The following SLC37A3 variants were observed in gnomAD, a reference collection of about 807,000 sequenced individuals.
The protein encoded by SLC37A3 is solute carrier family 37 member 3, also known as sugar phosphate exchanger 3.
A neutral mutation model predicts 67.1 loss-of-function variants in SLC37A3; 51 were observed. That is an observed-to-expected ratio of 0.76 (90% CI 0.61 to 0.96). The LOEUF is 0.96. Among genes scored for constraint, SLC37A3 ranks in the 40% least tolerant of loss-of-function variants. The pLI is 0.00. For missense variants in SLC37A3, 508 were observed against 603.0 expected (o/e 0.84, Z 1.65); for synonymous variants, 214 against 231.4 (o/e 0.92, Z 0.68).
chr7:140,374,576 C>G (rs552337119), intron 3 of SLC37A3, among the ~76,000 whole-genome samples: 2 of 151,982 alleles, frequency 1.3e-5, no homozygotes, highest in East Asian at 1.9e-4. Flanking sequence ...TAATCCAACA[C>G]TCTGGGAGGC....
chr7:140,344,054 C>A, intron 12 of SLC37A3: 1 of 180,124 alleles, frequency 5.6e-6, no homozygotes, highest in South Asian at 1.1e-4. Context: ...TGAATCTGGT[C>A]CCACTGCTGG....
At chr7:140,375,177 A>C (rs568839091) in intron 3 of SLC37A3, among the ~76,000 whole-genome samples, 18 of 150,964 alleles carry the variant, frequency 1.2e-4, no homozygotes, top group African/African-American at 3.9e-4. Flanking sequence ...AAAACAACAA[A>C]AAAAAAACAG....
chr7:140,361,510 CCCCTCCCCCTCCCCCTCCCCCTCCCT>C (rs1585301953), intron 5 of SLC37A3, among the ~76,000 whole-genome samples: 5 of 73,384 alleles, frequency 6.8e-5, no homozygotes, highest in East Asian at 4.4e-4. Flanking sequence ...CCTCCCCCTC[CCCCTCCCCCTCCCCCTCCCCCTCCCT>C]CTCTCCCTCT....
Position 140,370,143 on chromosome 7 carries a change from T to G in SLC37A3, c.199-461A>C, listed in dbSNP as rs1024487718. On this transcript the variant is annotated intron_variant, in intron 3 of 14. Transcript: ENST00000326232. ...CAAAAAAGAAAAGAAAAGAAAGAAA[T>G]AACTAGTTTTTTTTTTTGCTTTTAT... is the stretch of plus-strand genomic sequence containing the variant. 4.7e-5 allele frequency among the ~76,000 whole-genome samples: 4 copies of G among 85,610 alleles called. No homozygotes were observed. The East Asian group carries it at 1.6e-3, about 33-fold the overall frequency. 56.2% of individuals were successfully genotyped at this position (85,610 alleles called of 152,430 possible).
At chr7:140,360,142 T>C (rs534235886) in intron 5 of SLC37A3, among the ~76,000 whole-genome samples, 2 of 151,340 alleles carry the variant, frequency 1.3e-5, no homozygotes, top group African/African-American at 4.9e-5. Context: ...AGGCCAGGAG[T>C]TCAAGGAACA....
At chr7:140,342,408 C>T (rs372547448) in intron 13 of SLC37A3, among the ~76,000 whole-genome samples, 5 of 152,192 alleles carry the variant, frequency 3.3e-5, no homozygotes, top group African/African-American at 1.2e-4. Flanking sequence ...CCTTCTCAAA[C>T]GCAGTTCCCT....
chr7:140,365,109 T>A (rs1489829980), intron 4 of SLC37A3, among the ~76,000 whole-genome samples: 1 of 152,094 alleles, frequency 6.6e-6, no homozygotes, highest in Non-Finnish European at 1.5e-5. Flanking sequence ...AGACAATAAT[T>A]AGCTGGAGAC....
chr7:140,374,354 C>G (rs758807113), intron 3 of SLC37A3, among the ~76,000 whole-genome samples: 2 of 151,972 alleles, frequency 1.3e-5, no homozygotes, highest in African/African-American at 2.4e-5. Context: ...AAAAACTAGC[C>G]GGGCGTGGTG....
intron 1 of SLC37A3, among the ~76,000 whole-genome samples, chr7:140,393,969 G>C (rs1563058342): frequency 6.6e-6 from 1 of 151,796 alleles, no homozygotes. Flanking sequence ...CCACGAGTTC[G>C]GGACCAGCCT....
intron 8 of SLC37A3, 153 bp downstream of exon 8, chr7:140,351,909 G>A (rs112741340): frequency 0.011 from 8,449 of 789,892 alleles, 69 homozygotes; most frequent in Non-Finnish European, 0.013. Context: ...CTACAATGTC[G>A]ACAGGACTCA....
intron 1 of SLC37A3, among the ~76,000 whole-genome samples, chr7:140,390,652 G>T (rs1259103198): frequency 6.6e-6 from 1 of 152,074 alleles, no homozygotes; most frequent in African/African-American, 2.4e-5. Flanking sequence ...CCCACCGCCA[G>T]GTGGATAAGC....
At chr7:140,393,222 G>A (rs1798790320) in intron 1 of SLC37A3, among the ~76,000 whole-genome samples, 2 of 152,122 alleles carry the variant, frequency 1.3e-5, no homozygotes, top group African/African-American at 4.8e-5. Flanking sequence ...ATACCAGGCA[G>A]AGCCCCCAAG....
intron 1 of SLC37A3, among the ~76,000 whole-genome samples, chr7:140,384,585 G>A (rs919281431): frequency 1.7e-4 from 26 of 151,898 alleles, no homozygotes; most frequent in African/African-American, 5.3e-4. Flanking sequence ...CAAGCGTGGT[G>A]GCTCATGTCT....
chr7:140,396,955 G>T (rs571465475), intron 1 of SLC37A3, among the ~76,000 whole-genome samples: 1 of 144,310 alleles, frequency 6.9e-6, no homozygotes, highest in African/African-American at 2.5e-5. Context: ...TAATTACAGC[G>T]CTTTGGGAGG....
intron 1 of SLC37A3, among the ~76,000 whole-genome samples, chr7:140,387,898 G>C (rs1255956822): frequency 8.4e-6 from 1 of 119,620 alleles, no homozygotes; most frequent in African/African-American, 3.2e-5. Context: ...CCACTCCAGA[G>C]ACTGAGATGG....
chr7:140,366,960 C>A (rs977369743), intron 4 of SLC37A3, among the ~76,000 whole-genome samples: 3 of 151,922 alleles, frequency 2.0e-5, no homozygotes, highest in Non-Finnish European at 4.4e-5. Flanking sequence ...CACGGTGAAA[C>A]CCCATCTCTA....
chr7:140,347,667 T>C (rs900914023), intron 10 of SLC37A3, among the ~76,000 whole-genome samples: 10 of 152,140 alleles, frequency 6.6e-5, no homozygotes, highest in African/African-American at 2.2e-4. Flanking sequence ...GGCACAGCCA[T>C]GTAAGTAATA....
At chr7:140,345,587 T>C (rs1249242048) in intron 11 of SLC37A3, among the ~76,000 whole-genome samples, 1 of 152,228 alleles carries the variant, frequency 6.6e-6, no homozygotes, top group Non-Finnish European at 1.5e-5. Context: ...TTGGCTATAA[T>C]GCTGTGCCTC....
In SLC37A3 at chr7:140,334,885, C is replaced by A; in HGVS notation, c.*527G>T. 3.7e-6 allele frequency: 1 copy of A among 267,562 alleles called. No homozygotes were observed. The highest frequency in any genetic ancestry group is 7.4e-6 in the Non-Finnish European group (1 of 135,326). The allele number at this position is 267,562 out of a possible 1,614,324, so 16.6% of individuals were successfully genotyped here. Reference sequence around the variant, plus strand: ...ACAGTGAACAGAGGGATTCTTTGTCCAAGGCAGGCTTGCAGCTCGGTCCAG... The same window carrying A: ...ACAGTGAACAGAGGGATTCTTTGTCAAAGGCAGGCTTGCAGCTCGGTCCAG... On this transcript the variant is annotated 3_prime_UTR_variant, in exon 15 of 15. Transcript: ENST00000326232.
Sources: gnomAD v4.1 joint callset for allele counts (sites outside exome capture counted in the v4.1 genomes callset) on GRCh38, gnomAD v4.1.1 for gene constraint, MANE v1.5 for transcripts, NCBI Gene and HGNC (gene_info 2026-07-23, HGNC 2026-07-21) for gene names.